The following RTL4 variants were observed in gnomAD, a reference collection of about 807,000 sequenced individuals.
The protein encoded by RTL4 is retrotransposon Gag like 4.
In RTL4, 4 loss-of-function variants were observed where a neutral mutation model predicts 5.3. That is an observed-to-expected ratio of 0.75 (90% confidence interval 0.37 to 1.72). The LOEUF (loss-of-function observed/expected upper bound fraction) is 1.72, where lower values mean the gene tolerates loss of function less well. Among genes scored for constraint, RTL4 ranks in the 40% most tolerant of loss-of-function variants. RTL4 has a pLI of 0.04. For missense variants in RTL4, 260 were observed against 227.1 expected, an observed-to-expected ratio of 1.14 and a Z score of -0.93; for synonymous variants, 98 against 87.3, an observed-to-expected ratio of 1.12 and a Z score of -0.68.
the RTL4 span, among the ~76,000 whole-genome samples, chrX:112,418,100 A>C: frequency 1.8e-5 from 2 of 111,617 alleles, no homozygotes; most frequent in African/African-American, 6.5e-5. Context: ...GTGAGCTGAG[A>C]TCTCACCATT....
the RTL4 span, among the ~76,000 whole-genome samples, chrX:112,388,140 G>C: frequency 1.8e-5 from 2 of 111,857 alleles, no homozygotes; most frequent in African/African-American, 6.5e-5. Flanking sequence ...CACCTCTCTG[G>C]TTAGCTATAT....
chrX:112,268,090 C>T, the RTL4 span, among the ~76,000 whole-genome samples: 1 of 111,659 alleles, frequency 9.0e-6, no homozygotes. Context: ...AGATGAAAAG[C>T]CAAAGTCCTT....
chrX:112,393,139 C>A, the RTL4 span, among the ~76,000 whole-genome samples: 1 of 90,863 alleles, frequency 1.1e-5, no homozygotes, highest in African/African-American at 4.5e-5. Context: ...CTTTTTCTTT[C>A]TTTCTTTCTT....
chrX:112,201,368 A>C, the RTL4 span, among the ~76,000 whole-genome samples: 9 of 110,936 alleles, frequency 8.1e-5, no homozygotes, highest in South Asian at 2.4e-3. Context: ...CCATTCTACT[A>C]TTTGTAGTTT....
At chrX:112,337,038 C>T in the RTL4 span, among the ~76,000 whole-genome samples, 1 of 111,677 alleles carries the variant, frequency 9.0e-6, no homozygotes, top group African/African-American at 3.3e-5. Context: ...ATTCCTCACT[C>T]ACAGCCCACA....
chrX:112,378,116 G>A, the RTL4 span, among the ~76,000 whole-genome samples: 2 of 111,313 alleles, frequency 1.8e-5, no homozygotes, highest in African/African-American at 6.5e-5. Context: ...ACGAGTAGAT[G>A]GACCAGGTTT....
At chrX:112,116,493 C>T in the RTL4 span, among the ~76,000 whole-genome samples, 6 of 111,295 alleles carry the variant, frequency 5.4e-5, no homozygotes, top group Admixed American at 4.8e-4. Flanking sequence ...GCTTTTATTC[C>T]CTTATTTGTC....
chrX:112,289,986 C>G, the RTL4 span, among the ~76,000 whole-genome samples: 1 of 111,130 alleles, frequency 9.0e-6, no homozygotes, highest in Non-Finnish European at 1.9e-5. Context: ...TTGACCCTAG[C>G]AGCTGTACTC....
the RTL4 span, among the ~76,000 whole-genome samples, chrX:112,352,411 C>T: frequency 1.5e-3 from 166 of 111,404 alleles, 1 homozygote; most frequent in African/African-American, 5.1e-3. Flanking sequence ...AGAGGCATCA[C>T]GCTACCTGAC....
At chrX:112,199,513 G>A in the RTL4 span, among the ~76,000 whole-genome samples, 1 of 110,993 alleles carries the variant, frequency 9.0e-6, no homozygotes, top group Non-Finnish European at 1.9e-5. Flanking sequence ...GATGAATGGT[G>A]GGTGGAGGAG....
At chrX:112,132,963 C>G in the RTL4 span, among the ~76,000 whole-genome samples, 2 of 112,254 alleles carry the variant, frequency 1.8e-5, no homozygotes, top group Admixed American at 9.4e-5. Flanking sequence ...AGGAGGCTAG[C>G]CCACTCTTAA....
At chrX:112,441,575 C>T in the RTL4 span, among the ~76,000 whole-genome samples, 14 of 111,461 alleles carry the variant, frequency 1.3e-4, no homozygotes, top group Admixed American at 1.3e-3. Flanking sequence ...CACTCATACA[C>T]TGCTGGTGAG....
At chrX:112,352,577 G>T in the RTL4 span, among the ~76,000 whole-genome samples, 6 of 111,091 alleles carry the variant, frequency 5.4e-5, no homozygotes, top group African/African-American at 2.0e-4. Context: ...ACAAGAAATG[G>T]GGAAAGGATT....
At chrX:112,168,838 T>G in the RTL4 span, among the ~76,000 whole-genome samples, 1 of 111,898 alleles carries the variant, frequency 8.9e-6, no homozygotes, top group South Asian at 3.8e-4. Context: ...CTGCTCTGCC[T>G]ATGGAGTAGC....
At chrX:112,258,374 C>T in the RTL4 span, among the ~76,000 whole-genome samples, 84 of 110,785 alleles carry the variant, frequency 7.6e-4, no homozygotes, top group Non-Finnish European at 1.3e-3. Flanking sequence ...TAGGGGAACA[C>T]GTGCATGTCT....
At chrX:112,329,978 C>T in the RTL4 span, among the ~76,000 whole-genome samples, 2 of 106,943 alleles carry the variant, frequency 1.9e-5, no homozygotes, top group East Asian at 5.8e-4. Context: ...GCTAAAAACT[C>T]TCAATAAATT....
At chrX:112,242,128 G>A in the RTL4 span, among the ~76,000 whole-genome samples, 2,501 of 111,336 alleles carry the variant, frequency 0.022, 66 homozygotes, top group African/African-American at 0.078. Flanking sequence ...GTCAGGTAGC[G>A]TGATGCCTCC....
At chrX:112,105,810 T>G in the RTL4 span, among the ~76,000 whole-genome samples, 1 of 111,582 alleles carries the variant, frequency 9.0e-6, no homozygotes, top group African/African-American at 3.2e-5. Flanking sequence ...TATGTAAGTT[T>G]ATGTCATCTG....
chrX:112,455,184 T>G, exon 1 of RTL4: 1 of 1,211,467 alleles, frequency 8.3e-7, no homozygotes, highest in South Asian at 1.8e-5. Flanking sequence ...ATGCTAAGTT[T>G]GACAAAGGAG....
Sources: allele counts gnomAD v4.1 joint callset (sites outside exome capture counted in the v4.1 genomes callset), GRCh38; gene constraint gnomAD v4.1.1; transcripts MANE v1.5; gene names NCBI Gene and HGNC (gene_info 2026-07-23, HGNC 2026-07-21).